The following PSD3 variants were observed in gnomAD, a reference collection of about 807,000 sequenced individuals.
PSD3 encodes PH and SEC7 domain-containing protein 3.
Under a neutral mutation model 105.5 loss-of-function variants are expected in PSD3, and 49 were observed. That is an observed-to-expected ratio of 0.46 (90% CI 0.37 to 0.59). The LOEUF is 0.59. PSD3 is among the 20% of genes least tolerant of loss of function. The pLI is 0.00. For synonymous variants in PSD3, 557 were observed against 457.8 expected (o/e 1.22, Z -2.77); for missense variants, 1,561 against 1,263.8 (o/e 1.24, Z -3.57).
chr8:18,924,775 C>CT (rs1250628620), intron 2 of PSD3: 1 of 152,150 alleles, frequency 6.6e-6, no homozygotes, highest in African/African-American at 2.4e-5. Flanking sequence ...CACATTCTAT[C>CT]TGTTATTCAG....
At chr8:18,889,412 A>G (rs1330431891) in intron 2 of PSD3, among the ~76,000 whole-genome samples, 3 of 152,094 alleles carry the variant, frequency 2.0e-5, no homozygotes, top group Admixed American at 6.5e-5. Flanking sequence ...ATACAAACCA[A>G]CCAATCCAGA....
intron 1 of PSD3, among the ~76,000 whole-genome samples, chr8:19,024,537 C>T (rs1278138903): frequency 6.6e-6 from 1 of 152,048 alleles, no homozygotes; most frequent in Non-Finnish European, 1.5e-5. Context: ...TTTCCTGAGT[C>T]CTTCATTTTT....
In PSD3 at chr8:18,678,868, T is replaced by G. The variant is rs529358328; in HGVS notation, c.2173-23183A>C. 5.3e-5 allele frequency among the ~76,000 whole-genome samples: 8 copies of G among 152,340 alleles called. No homozygotes were observed. In the East Asian group the frequency reaches 1.5e-3, roughly 29 times the overall value. On this transcript the variant is annotated intron_variant, in intron 9 of 15. Coordinates refer to ENST00000327040, the MANE Select transcript of PSD3 (RefSeq NM_015310.4). ...CTCTCATCAGAGTGCCAGCCCCTTG[T>G]GGTTTGGTACAACCCTAATTTATGC... is the stretch of plus-strand genomic sequence containing the variant.
intron 8 of PSD3, chr8:18,774,464 C>T (rs149179664): frequency 1.4e-5 from 3 of 214,572 alleles, no homozygotes; most frequent in East Asian, 2.8e-4. Flanking sequence ...AACAATACAT[C>T]GTGTTCCTTC....
intron 4 of PSD3, among the ~76,000 whole-genome samples, chr8:18,814,271 C>G (rs1016411439): frequency 6.6e-6 from 1 of 152,168 alleles, no homozygotes; most frequent in Non-Finnish European, 1.5e-5. Context: ...GCATACCTTC[C>G]AAATCTCAGT....
intron 10 of PSD3, among the ~76,000 whole-genome samples, chr8:18,652,459 C>G (rs1272861899): frequency 1.3e-5 from 2 of 148,320 alleles, no homozygotes; most frequent in Non-Finnish European, 3.0e-5. Context: ...TAATTATATC[C>G]ATGTACATAC....
intron 2 of PSD3, among the ~76,000 whole-genome samples, chr8:18,901,084 T>C (rs1435308022): frequency 6.6e-6 from 1 of 152,240 alleles, no homozygotes; most frequent in East Asian, 1.9e-4. Context: ...CTTTTTAAAG[T>C]AGATGTGTTT....
intron 8 of PSD3, among the ~76,000 whole-genome samples, chr8:18,793,051 C>T (rs1467816269): frequency 6.6e-6 from 1 of 152,154 alleles, no homozygotes; most frequent in African/African-American, 2.4e-5. Flanking sequence ...TGGAAACTAT[C>T]ATTCTGAGCA....
chr8:18,686,522 G>C (rs1369807266), intron 9 of PSD3, among the ~76,000 whole-genome samples: 1 of 152,192 alleles, frequency 6.6e-6, no homozygotes, highest in Non-Finnish European at 1.5e-5. Flanking sequence ...CGTGGACAGA[G>C]TGAAGAGAAC....
chr8:18,545,489 T>C (rs1001016771), intron 15 of PSD3, among the ~76,000 whole-genome samples: 2 of 151,814 alleles, frequency 1.3e-5, no homozygotes, highest in Non-Finnish European at 2.9e-5. Context: ...AAAAAAAAAA[T>C]TAGCCTCTGA....
At chr8:18,595,171 T>C (rs1049740759) in intron 12 of PSD3, among the ~76,000 whole-genome samples, 2 of 150,326 alleles carry the variant, frequency 1.3e-5, no homozygotes, top group African/African-American at 2.5e-5. Context: ...CAGCTTAAAA[T>C]AGATCATTAT....
chr8:19,027,556 C>G (rs149408801), intron 1 of PSD3, among the ~76,000 whole-genome samples: 1 of 152,322 alleles, frequency 6.6e-6, no homozygotes, highest in African/African-American at 2.4e-5. Flanking sequence ...TTCACCCCCT[C>G]CTCATGCTCC....
At chr8:18,648,039 TA>T (rs1357533471) in intron 10 of PSD3, among the ~76,000 whole-genome samples, 2 of 152,238 alleles carry the variant, frequency 1.3e-5, no homozygotes, top group African/African-American at 4.8e-5. Context: ...AACTTCTTTT[TA>T]TATAAATTAC....
rs563201209 is a variant in PSD3, at chr8:18,593,060, C to T, written c.2481+7304G>A. Among the ~76,000 whole-genome samples the T allele has an allele frequency of 6.5e-4, 99 of 152,218 alleles. 2 individuals carry two copies. Among genetic ancestry groups the T allele is most frequent in the African/African-American group, 2.1e-3 (87 of 41,546 alleles). On this transcript the variant is annotated intron_variant, in intron 12 of 15. Transcript: ENST00000327040. ...GGCAATACCATTCAGGACATAGGCA[C>T]GGGCAAGGACTTCATGTCTAAAACA...
At chr8:19,041,361 C>T (rs368605724) in intron 1 of PSD3, among the ~76,000 whole-genome samples, 5 of 152,224 alleles carry the variant, frequency 3.3e-5, no homozygotes, top group South Asian at 4.1e-4. Context: ...GAATGTTGTA[C>T]GATACTCATT....
intron 2 of PSD3, among the ~76,000 whole-genome samples, chr8:18,875,563 G>A (rs1817677384): frequency 6.6e-6 from 1 of 151,064 alleles, no homozygotes; most frequent in Admixed American, 6.6e-5. Context: ...TTGAGATGGA[G>A]TCTTGCTCCG....
chr8:18,707,813 G>A (rs986529491), intron 9 of PSD3, among the ~76,000 whole-genome samples: 1 of 152,202 alleles, frequency 6.6e-6, no homozygotes, highest in Non-Finnish European at 1.5e-5. Context: ...GGGATGGGAA[G>A]TAAGAGACGC....
At chr8:18,619,757 A>G (rs1805969112) in intron 11 of PSD3, among the ~76,000 whole-genome samples, 1 of 152,048 alleles carries the variant, frequency 6.6e-6, no homozygotes, top group South Asian at 2.1e-4. Flanking sequence ...AACGTGGCTT[A>G]CTCCCCAACC....
chr8:18,664,825 G>GT (rs1311286948), intron 9 of PSD3, among the ~76,000 whole-genome samples: 1 of 152,210 alleles, frequency 6.6e-6, no homozygotes, highest in African/African-American at 2.4e-5. Context: ...CAATGCTCAA[G>GT]TATCATTCTG....
Sources: allele counts gnomAD v4.1 joint callset (sites outside exome capture counted in the v4.1 genomes callset), GRCh38; gene constraint gnomAD v4.1.1; transcripts MANE v1.5; gene names NCBI Gene and HGNC (gene_info 2026-07-23, HGNC 2026-07-21).